Variants in G2E3 observed in about 807,000 individuals in gnomAD.
G2E3 encodes G2/M phase-specific E3 ubiquitin-protein ligase.
G2E3 carries 35 observed loss-of-function variants against 92.8 expected under a neutral mutation model. The ratio of observed to expected loss-of-function variants is 0.38; its 90% CI spans 0.29 to 0.50. G2E3 has a LOEUF of 0.50. G2E3 is among the 20% of genes least tolerant of loss of function. The pLI is 0.94. For missense variants in G2E3, 554 were observed against 823.8 expected (o/e 0.67, Z 4.01); for synonymous variants, 242 against 272.4 (o/e 0.89, Z 1.10).
intron 1 of G2E3, among the ~76,000 whole-genome samples, chr14:30,566,320 A>T (rs148950384): frequency 5.3e-5 from 8 of 152,352 alleles, no homozygotes; most frequent in Middle Eastern, 3.4e-3. Context: ...TATCAAATCC[A>T]TAAATTGCTT....
chr14:30,587,692 G>A lies in G2E3; in HGVS notation c.135+877G>A, dbSNP rs145628573. Among the ~76,000 whole-genome samples, 165 of 152,132 alleles carry A rather than the reference G, an allele frequency of 1.1e-3. 1 individual carries two copies. Among genetic ancestry groups the A allele is most frequent in the African/African-American group, 3.2e-3 (131 of 41,494 alleles). ...TTGGCCTCAATTTCTCCTAGCTAGC[G>A]TCAGGAAACCTCAGCTCCTTACCTC... On this transcript the variant is annotated intron_variant, in intron 3 of 14. Transcript: ENST00000206595.
chr14:30,596,098 TC>T (rs1881268419), intron 6 of G2E3, among the ~76,000 whole-genome samples: 1 of 115,276 alleles, frequency 8.7e-6, no homozygotes, highest in Non-Finnish European at 1.7e-5. Flanking sequence ...ACCTGTTGTT[TC>T]CCTCCCTTAT....
chr14:30,585,550 CTG>C (rs1237262187), intron 2 of G2E3, among the ~76,000 whole-genome samples: 3 of 149,534 alleles, frequency 2.0e-5, no homozygotes, highest in Non-Finnish European at 4.4e-5. Flanking sequence ...GTTTTGCTTA[CTG>C]TAGTTTTGTT....
intron 1 of G2E3, chr14:30,574,388 G>A (rs1005249411): frequency 6.7e-6 from 1 of 150,058 alleles, no homozygotes; most frequent in African/African-American, 2.5e-5. Context: ...TCATGCATTT[G>A]TAGTAAATAA....
At chr14:30,615,307 A>G in intron 13 of G2E3, 42 bp from the exon 14 acceptor site, 1 of 982,420 alleles carries the variant, frequency 1.0e-6, no homozygotes, top group Non-Finnish European at 1.5e-6. Flanking sequence ...AATACCAAAC[A>G]CACATGTATG....
At chr14:30,575,518 A>G (rs1190084676) in intron 1 of G2E3, among the ~76,000 whole-genome samples, 1 of 152,194 alleles carries the variant, frequency 6.6e-6, no homozygotes, top group Non-Finnish European at 1.5e-5. Context: ...AGTCCTAGCC[A>G]GAGCAGTCAG....
At chr14:30,598,202 T>G in intron 7 of G2E3, 1 of 284,508 alleles carries the variant, frequency 3.5e-6, no homozygotes, top group African/African-American at 2.2e-5. Context: ...CTTGCCAACA[T>G]GGCGAAACCC....
intron 10 of G2E3, among the ~76,000 whole-genome samples, 197 bp downstream of exon 10, chr14:30,602,328 T>C (rs1881609251): frequency 6.6e-6 from 1 of 151,372 alleles, no homozygotes; most frequent in Non-Finnish European, 1.5e-5. Flanking sequence ...TAGAATAGAA[T>C]ACAAAATACC....
intron 1 of G2E3, among the ~76,000 whole-genome samples, chr14:30,570,163 A>G (rs1177911365): frequency 6.6e-6 from 1 of 152,032 alleles, no homozygotes; most frequent in Non-Finnish European, 1.5e-5. Flanking sequence ...CTGGAACTCT[A>G]TGGTTTCAAA....
At chr14:30,612,687 G>A (rs989080895) in intron 13 of G2E3, among the ~76,000 whole-genome samples, 2 of 151,930 alleles carry the variant, frequency 1.3e-5, no homozygotes, top group Non-Finnish European at 2.9e-5. Context: ...GTGAAACCCC[G>A]TCTGTACTAA....
intron 4 of G2E3, among the ~76,000 whole-genome samples, chr14:30,591,629 C>T (rs1006351879): frequency 4.6e-5 from 7 of 152,160 alleles, no homozygotes; most frequent in Non-Finnish European, 7.4e-5. Flanking sequence ...CAATCTGTTT[C>T]TATCTTCACA....
intron 1 of G2E3, among the ~76,000 whole-genome samples, chr14:30,570,456 G>C (rs229187): frequency 6.6e-6 from 1 of 151,894 alleles, no homozygotes; most frequent in African/African-American, 2.4e-5. Context: ...GTCCCTCTTG[G>C]ACTCCTATTA....
At chr14:30,578,258 C>T (rs951936306) in intron 1 of G2E3, among the ~76,000 whole-genome samples, 1 of 152,116 alleles carries the variant, frequency 6.6e-6, no homozygotes, top group Non-Finnish European at 1.5e-5. Context: ...GAATAATCAA[C>T]TTTTAGGTAA....
At chr14:30,599,442 T>C (rs1212451961) in intron 8 of G2E3, among the ~76,000 whole-genome samples, 1 of 152,202 alleles carries the variant, frequency 6.6e-6, no homozygotes, top group African/African-American at 2.4e-5. Flanking sequence ...TTGGTCAGCC[T>C]GGTCTCAAAT....
chr14:30,565,062 A>G (rs1322716844), intron 1 of G2E3, among the ~76,000 whole-genome samples: 3 of 152,056 alleles, frequency 2.0e-5, no homozygotes, highest in Middle Eastern at 3.4e-3. Context: ...ACTGTTTTCC[A>G]CCCTTGCATC....
rs537643569 is a variant in G2E3, at chr14:30,565,650, C to CTTTTTTTTT, written c.-5+6399_-5+6407dup. Among the ~76,000 whole-genome samples, 5 of 62,254 alleles carry CTTTTTTTTT rather than the reference C, an allele frequency of 8.0e-5. 1 individual carries two copies. Among genetic ancestry groups the CTTTTTTTTT allele is most frequent in the Non-Finnish European group, 1.4e-4 (5 of 35,620 alleles). 40.8% of individuals were successfully genotyped at this position (62,254 alleles called of 152,430 possible). A position where few individuals can be genotyped will look rare whatever the true frequency, so the allele number is the denominator to read the frequency against. Reference sequence around the variant, plus strand: ...GTGAGGTAGGGGTTCAACTTCATTCCTTTTTTTTTTTTTTTTTTTTTTTTT... The same window carrying CTTTTTTTTT: ...GTGAGGTAGGGGTTCAACTTCATTCCTTTTTTTTTTTTTTTTTTTTTTTTTTTTTTTTTT... On this transcript the variant is annotated intron_variant, in intron 1 of 14. Coordinates refer to ENST00000206595, the MANE Select transcript of G2E3 (RefSeq NM_017769.5).
At chr14:30,566,099 T>C (rs541608213) in intron 1 of G2E3, among the ~76,000 whole-genome samples, 22 of 152,368 alleles carry the variant, frequency 1.4e-4, no homozygotes, top group Middle Eastern at 3.4e-3. Flanking sequence ...ATTGACTCTT[T>C]CTTCTTTTCT....
Position 30,616,543 on chromosome 14 carries a change from C to T in G2E3, c.*9C>T, listed in dbSNP as rs1181547570. 2 of 1,564,328 alleles carry T rather than the reference C, an allele frequency of 1.3e-6. No homozygotes were observed. The highest frequency in any genetic ancestry group is 1.7e-6 in the Non-Finnish European group (2 of 1,154,192). ...ATTACATTGGACATTAAAATGTTTC[C>T]TTGAACAAAGAGAAGCTTCTTTAAA... On this transcript the variant is annotated 3_prime_UTR_variant, in exon 15 of 15. Transcript: ENST00000206595.
At chr14:30,592,116 T>G (rs1357065665) in intron 4 of G2E3, among the ~76,000 whole-genome samples, 11 of 152,132 alleles carry the variant, frequency 7.2e-5, no homozygotes, top group Non-Finnish European at 1.5e-4. Flanking sequence ...TTTATCGAAA[T>G]TGTTATAGGA....
Sources: allele counts gnomAD v4.1 joint callset (sites outside exome capture counted in the v4.1 genomes callset), GRCh38; gene constraint gnomAD v4.1.1; transcripts MANE v1.5; gene names NCBI Gene and HGNC (gene_info 2026-07-23, HGNC 2026-07-21).